Variants in ZNF329 observed in about 807,000 individuals in gnomAD.
ZNF329 encodes the protein zinc finger protein 329.
In ZNF329, 15 loss-of-function variants were observed where a neutral mutation model predicts 26.6. The observed-to-expected ratio is 0.56, with a 90% CI of 0.38 to 0.87. The LOEUF is 0.87. Among genes scored for constraint, ZNF329 ranks in the 40% least tolerant of loss-of-function variants. The pLI, the probability that ZNF329 is intolerant of heterozygous loss-of-function variation, is 0.00. For missense variants in ZNF329, 651 were observed against 651.9 expected, an observed-to-expected ratio of 1.00 and a Z score of 0.02; for synonymous variants, 239 against 233.5, an observed-to-expected ratio of 1.02 and a Z score of -0.21.
At chr19:58,147,952 A>AG (rs2075362979) in intron 1 of ZNF329, among the ~76,000 whole-genome samples, 1 of 152,092 alleles carries the variant, frequency 6.6e-6, no homozygotes, top group South Asian at 2.1e-4. Flanking sequence ...TGGAATAGAA[A>AG]GGGGGGAAAG....
chr19:58,142,014 G>A (rs2075201442), intron 3 of ZNF329, among the ~76,000 whole-genome samples: 2 of 152,196 alleles, frequency 1.3e-5, no homozygotes, highest in Middle Eastern at 3.4e-3. Flanking sequence ...AGCCCTGATC[G>A]TGCCACTGTA....
At chr19:58,142,706 C>T (rs1466251659) in intron 2 of ZNF329, 45 bp from the exon 3 acceptor site, 1 of 152,644 alleles carries the variant, frequency 6.6e-6, no homozygotes, top group Non-Finnish European at 1.5e-5. Context: ...GTTCACAACT[C>T]ATTAACAAAA....
In ZNF329 at chr19:58,128,346, G is replaced by A. The variant is rs868212329; in HGVS notation, c.1158C>T (p.Leu386=). Residue 386 remains leucine (L), a synonymous_variant, in exon 4 of 4, where the codon CTC becomes CTT. Transcript: ENST00000598312. The part of the protein sequence containing the change: ...CGKSFNRNSH[L]IVHQKIHSGE... Reference sequence around the variant, plus strand: ...CAGAATGGATCTTTTGATGCACAATGAGGTGAGAGTTTCTGTTGAAGGATT... The same window carrying A: ...CAGAATGGATCTTTTGATGCACAATAAGGTGAGAGTTTCTGTTGAAGGATT... 1 of 1,614,046 alleles carries A rather than the reference G, an allele frequency of 6.2e-7. No individual in the cohort carries two copies. The highest frequency in any genetic ancestry group is 8.5e-7 in the Non-Finnish European group (1 of 1,180,008).
intron 1 of ZNF329, among the ~76,000 whole-genome samples, chr19:58,144,440 T>C (rs1328795471): frequency 1.3e-5 from 2 of 151,198 alleles, no homozygotes; most frequent in Non-Finnish European, 2.9e-5. Context: ...TGGGCTGGAG[T>C]GCAGTGGCGC....
At chr19:58,147,320 G>A (rs1232246666) in intron 1 of ZNF329, among the ~76,000 whole-genome samples, 14 of 147,660 alleles carry the variant, frequency 9.5e-5, no homozygotes, top group South Asian at 2.2e-4. Flanking sequence ...CCAGGCAGCC[G>A]CCCCGTCTGA....
In ZNF329 at chr19:58,128,859, G is replaced by C. The variant is rs2074866442; in HGVS notation, c.645C>G (p.Asn215Lys). The change falls in exon 4 of 4, where the codon AAC becomes AAG. Residue 215 changes from asparagine to lysine, a missense_variant. Physicochemically the swap from Asn to Lys is moderately conservative, Grantham distance 94. Coordinates refer to ENST00000598312, the MANE Select transcript of ZNF329 (RefSeq NM_024620.4). ...TTCGGTGATGCAAAACAAGAGAAGA[G>C]TTCCGTTTGAAGCATTTGCCACATT... Reference protein sequence around the residue: ...CTECGKCFKRNSSLVLHHRTH... With the variant: ...CTECGKCFKRKSSLVLHHRTH... 2 of 1,612,850 alleles carry C rather than the reference G, an allele frequency of 1.2e-6. No individual in the cohort carries two copies. The highest frequency in any genetic ancestry group is 4.5e-5 in the East Asian group (2 of 44,876).
Position 58,128,355 on chromosome 19 carries a change from G to C in ZNF329, c.1149C>G (p.Asn383Lys), listed in dbSNP as rs754449924. 1 of 1,614,092 alleles carries C rather than the reference G, an allele frequency of 6.2e-7. No homozygotes were observed. Among genetic ancestry groups the C allele is most frequent in the East Asian group, 2.2e-5 (1 of 44,862 alleles). ...CAECGKSFNR[N>K]SHLIVHQKIH... ...TCTTTTGATGCACAATGAGGTGAGA[G>C]TTTCTGTTGAAGGATTTCCCGCACT... Residue 383 changes from asparagine (N) to lysine (K), a missense_variant, in exon 4 of 4, where the codon AAC becomes AAG. Physicochemically the swap from Asn to Lys is moderately conservative, Grantham distance 94 (BLOSUM62 0). Transcript: ENST00000598312.
intron 1 of ZNF329, among the ~76,000 whole-genome samples, chr19:58,149,036 T>A (rs933103466): frequency 6.6e-6 from 1 of 152,146 alleles, no homozygotes; most frequent in African/African-American, 2.4e-5. Context: ...TTGCACAAGA[T>A]ACAGGTCATA....
chr19:58,133,469 C>G (rs992377049), intron 3 of ZNF329, among the ~76,000 whole-genome samples: 1 of 151,878 alleles, frequency 6.6e-6, no homozygotes, highest in Non-Finnish European at 1.5e-5. Flanking sequence ...GCCTGTTAGT[C>G]CCAACTACTT....
chr19:58,141,953 A>G (rs281078), intron 3 of ZNF329, among the ~76,000 whole-genome samples: 120,296 of 151,840 alleles, frequency 0.79, 47,999 homozygotes, highest in Non-Finnish European at 0.85. Flanking sequence ...CCCAGCTACT[A>G]GGGAGGCTGA....
chr19:58,133,715 T>C (rs1328980923), intron 3 of ZNF329, among the ~76,000 whole-genome samples: 3 of 151,868 alleles, frequency 2.0e-5, no homozygotes, highest in African/African-American at 4.8e-5. Context: ...ATGATGAATG[T>C]GGGCTAGGTG....
At chr19:58,143,029 T>C (rs2075221584) in intron 2 of ZNF329, 76 bp downstream of exon 2, 1 of 152,384 alleles carries the variant, frequency 6.6e-6, no homozygotes, top group Non-Finnish European at 1.5e-5. Flanking sequence ...GGCAGGAGGA[T>C]CACTTGAGCC....
intron 3 of ZNF329, among the ~76,000 whole-genome samples, chr19:58,140,890 T>TTTTTTGA (rs1600079406): frequency 6.7e-6 from 1 of 148,758 alleles, no homozygotes; most frequent in Non-Finnish European, 1.5e-5. Flanking sequence ...TTTTTTTTTT[T>TTTTTTGA]GAGTTAGAAT....
intron 3 of ZNF329, among the ~76,000 whole-genome samples, chr19:58,141,983 C>G (rs557209357): frequency 1.3e-5 from 2 of 152,138 alleles, no homozygotes; most frequent in East Asian, 3.9e-4. Flanking sequence ...ATTGCTTGAA[C>G]CTGGGAAGCA....
chr19:58,145,066 G>T (rs1355861301), intron 1 of ZNF329, among the ~76,000 whole-genome samples: 1 of 150,070 alleles, frequency 6.7e-6, no homozygotes, highest in Non-Finnish European at 1.5e-5. Context: ...AGCCAAGATG[G>T]TCTCGATCTC....
rs749321833 is a variant in ZNF329 at position 58,128,489 on chromosome 19, C to T, written c.1015G>A (p.Gly339Ser). 35 of 1,613,758 alleles carry T rather than the reference C, an allele frequency of 2.2e-5. No homozygotes were observed. The highest frequency in any genetic ancestry group is 8.3e-5 in the Admixed American group (5 of 59,972). The change falls in exon 4 of 4, where the codon GGT becomes AGT. Residue 339 changes from glycine (G) to serine (S), a missense_variant. Physicochemically the swap from Gly to Ser is moderately conservative, Grantham distance 56 (BLOSUM62 0). Transcript: ENST00000598312. Reference sequence around the variant, plus strand: ...TTGCTACACTCATAGGGCTTCTCACCGGTGTGGATTCTGAGATGCACTGTA... The same window carrying T: ...TTGCTACACTCATAGGGCTTCTCACTGGTGTGGATTCTGAGATGCACTGTA... ...HLTVHLRIHT[G>S]EKPYECSKCG...
chr19:58,128,087 G>C lies in ZNF329; in HGVS notation c.1417C>G (p.His473Asp), dbSNP rs961353728. The C allele has an allele frequency of 1.2e-6, 2 of 1,608,654 alleles. No individual in the cohort carries two copies. The highest frequency in any genetic ancestry group is 2.7e-5 in the African/African-American group (2 of 74,722). The change falls in exon 4 of 4, where the codon CAC becomes GAC. Residue 473 changes from histidine to aspartate, a missense_variant. His to Asp is a moderately conservative substitution (Grantham distance 81). Coordinates refer to ENST00000598312, the MANE Select transcript of ZNF329 (RefSeq NM_024620.4). Reference sequence around the variant, plus strand: ...GTCTCCTTAGTGTGAATTCTCTGGTGCTTGGTCAGACAGGAGCTGTCCCTG... The same window carrying C: ...GTCTCCTTAGTGTGAATTCTCTGGTCCTTGGTCAGACAGGAGCTGTCCCTG... Reference protein sequence around the residue: ...AFRDSSCLTKHQRIHTKETPY... With the variant: ...AFRDSSCLTKDQRIHTKETPY...
rs766892684 is a variant in ZNF329 at position 58,128,782 on chromosome 19, GAGA to G, written c.719_721del (p.Phe240del). 1.9e-6 allele frequency: 3 copies of G among 1,600,414 alleles called. No homozygotes were observed. The highest frequency in any genetic ancestry group is 2.6e-6 in the Non-Finnish European group (3 of 1,173,724). On this transcript the variant is annotated inframe_deletion, in exon 4 of 4. Coordinates refer to ENST00000598312, the MANE Select transcript of ZNF329 (RefSeq NM_024620.4). ...ATGCACAATCAGGTTGTAGTTCTTG[GAGA>G]AGGACTTTCCACACTCATTACAAGT... is the stretch of plus-strand genomic sequence containing the variant.
intron 3 of ZNF329, among the ~76,000 whole-genome samples, chr19:58,133,414 C>T (rs1271817030): frequency 2.6e-5 from 4 of 151,880 alleles, no homozygotes; most frequent in South Asian, 2.1e-4. Flanking sequence ...GGTGAAACCC[C>T]GTCCCTACAA....
Sources: gnomAD v4.1 joint callset for allele counts (sites outside exome capture counted in the v4.1 genomes callset) on GRCh38, gnomAD v4.1.1 for gene constraint, MANE v1.5 for transcripts, NCBI Gene and HGNC (gene_info 2026-07-23, HGNC 2026-07-21) for gene names.